AATK: variants seen among roughly 807,000 people sequenced by gnomAD.
The protein encoded by AATK is serine/threonine-protein kinase LMTK1.
Under a neutral mutation model 114.3 loss-of-function variants are expected in AATK, and 91 were observed. The observed-to-expected ratio is 0.80, with a 90% CI of 0.67 to 0.95. AATK has a LOEUF of 0.95. Among genes scored for constraint, AATK ranks in the 40% least tolerant of loss-of-function variants. The pLI, the probability that AATK is intolerant of heterozygous loss-of-function variation, is 0.00. For synonymous variants in AATK, 1,075 were observed against 916.5 expected (o/e 1.17, Z -3.12); for missense variants, 2,176 against 1,965.2 (o/e 1.11, Z -2.03).
chr17:81,125,488 C>A, intron 7 of AATK: 2 of 359,416 alleles, frequency 5.6e-6, no homozygotes, highest in Non-Finnish European at 1.1e-5. Flanking sequence ...CTGCCATGCC[C>A]ACTCAGAGCT....
chr17:81,125,131 T>C, intron 7 of AATK, 117 bp from the exon 8 acceptor site: 2 of 845,320 alleles, frequency 2.4e-6, no homozygotes, highest in South Asian at 1.7e-5. Flanking sequence ...ACAGGGTCCT[T>C]TGCCAACACT....
At chr17:81,148,735 GAC>G (rs1300904023) in intron 1 of AATK, among the ~76,000 whole-genome samples, 3 of 152,214 alleles carry the variant, frequency 2.0e-5, no homozygotes, top group African/African-American at 2.4e-5. Context: ...CGTGCTCTCA[GAC>G]ACATGCACAC....
chr17:81,119,200 C>CTA, intron 13 of AATK, among the ~76,000 whole-genome samples, 180 bp downstream of exon 13: 1 of 133,432 alleles, frequency 7.5e-6, no homozygotes, highest in Non-Finnish European at 1.7e-5. Flanking sequence ...GAGGGCCAGG[C>CTA]GAGGGCCAGG....
chr17:81,120,136 T>G, intron 11 of AATK, 53 bp from the exon 12 acceptor site: 1 of 1,505,062 alleles, frequency 6.6e-7, no homozygotes, highest in Non-Finnish European at 8.9e-7. Flanking sequence ...CCGCGGCCGC[T>G]CCCACCCCTT....
intron 1 of AATK, among the ~76,000 whole-genome samples, chr17:81,157,163 CAA>C (rs2061376682): frequency 6.6e-6 from 1 of 152,214 alleles, no homozygotes; most frequent in South Asian, 2.1e-4. Flanking sequence ...CCGCCCCCGC[CAA>C]GAGAGGGGAG....
At chr17:81,136,272 T>C (rs2061008304) in intron 1 of AATK, 1 of 152,310 alleles carries the variant, frequency 6.6e-6, no homozygotes, top group South Asian at 2.1e-4. Context: ...AACCTATCTG[T>C]GGCCTTTTGG....
At chr17:81,148,588 G>A (rs556530833) in intron 1 of AATK, among the ~76,000 whole-genome samples, 19 of 152,370 alleles carry the variant, frequency 1.2e-4, no homozygotes, top group African/African-American at 4.6e-4. Context: ...GATGAGCCCC[G>A]GGGGTTCCCC....
intron 1 of AATK, among the ~76,000 whole-genome samples, chr17:81,152,332 TC>T (rs2061309436): frequency 6.6e-6 from 1 of 152,112 alleles, no homozygotes; most frequent in Non-Finnish European, 1.5e-5. Flanking sequence ...ACACCTGTAA[TC>T]CCAGAGCTTT....
At chr17:81,138,274 C>T (rs12941366) in intron 1 of AATK, among the ~76,000 whole-genome samples, 79,162 of 147,188 alleles carry the variant, frequency 0.54, 22,424 homozygotes, top group East Asian at 0.87. Context: ...CCCACATGCA[C>T]GTGCACACCC....
intron 2 of AATK, among the ~76,000 whole-genome samples, chr17:81,134,107 A>AG (rs2060975695): frequency 6.6e-6 from 1 of 152,122 alleles, no homozygotes; most frequent in Non-Finnish European, 1.5e-5. Flanking sequence ...GCTCGGGCCC[A>AG]ACCCCAGGCT....
At chr17:81,131,311 C>G in intron 2 of AATK, 106 bp from the exon 3 acceptor site, 1 of 1,406,048 alleles carries the variant, frequency 7.1e-7, no homozygotes, top group Non-Finnish European at 9.3e-7. Context: ...CAGGGCAGGG[C>G]AGGAGGGGGT....
intron 1 of AATK, among the ~76,000 whole-genome samples, chr17:81,143,016 GC>G (rs947484331): frequency 1.5e-4 from 23 of 152,378 alleles, no homozygotes; most frequent in African/African-American, 5.3e-4. Context: ...CAAAACACAG[GC>G]GTGGTCCAGG....
chr17:81,152,973 G>A (rs1346468639), intron 1 of AATK, among the ~76,000 whole-genome samples: 3 of 151,874 alleles, frequency 2.0e-5, no homozygotes, highest in African/African-American at 7.3e-5. Flanking sequence ...CTCCCGAGTA[G>A]CAAGGATTAC....
At chr17:81,154,319 C>T (rs796322679) in intron 1 of AATK, among the ~76,000 whole-genome samples, 117 of 113,772 alleles carry the variant, frequency 1.0e-3, no homozygotes, top group African/African-American at 3.7e-3. Flanking sequence ...TTTTTTCTTT[C>T]TTTTTTTTTT....
chr17:81,131,766 A>C, intron 2 of AATK: 3 of 1,206,252 alleles, frequency 2.5e-6, no homozygotes, highest in Non-Finnish European at 3.2e-6. Context: ...CTTCGGGGAC[A>C]GGAATTCCAT....
In AATK at chr17:81,144,329, C is replaced by T. The variant is rs140418824; in HGVS notation, c.56-9828G>A. 1.8e-3 allele frequency among the ~76,000 whole-genome samples: 272 copies of T among 152,346 alleles called. 2 individuals carry two copies. Among genetic ancestry groups the T allele is most frequent in the African/African-American group, 6.3e-3 (261 of 41,588 alleles). On this transcript the variant is annotated intron_variant, in intron 1 of 13. Transcript: ENST00000326724. ...GGGGGTAAAGGTCAAGGCCCCTTGT[C>T]CCAGCCCCACACTGCCCTCCCCATC...
In AATK at chr17:81,118,028, C is replaced by T. The variant is rs376223009; in HGVS notation, c.*374G>A. 3 of 212,298 alleles carry T rather than the reference C, an allele frequency of 1.4e-5. No individual in the cohort carries two copies. Among genetic ancestry groups the T allele is most frequent in the East Asian group, 1.1e-4 (1 of 9,120 alleles). The allele number at this position is 212,298 out of a possible 1,614,324, so 13.2% of individuals were successfully genotyped here. A position where few individuals can be genotyped will look rare whatever the true frequency, so the allele number is the denominator to read the frequency against. On this transcript the variant is annotated 3_prime_UTR_variant, in exon 14 of 14. Transcript: ENST00000326724. The stretch of plus-strand genomic sequence containing the variant: ...CCTGTGAGCACACCGGAGGAGCTGC[C>T]GGATGGGGCATGCGGGTCCTCCGAG...
At chr17:81,139,871 C>T (rs891380683) in intron 1 of AATK, among the ~76,000 whole-genome samples, 2 of 152,186 alleles carry the variant, frequency 1.3e-5, no homozygotes, top group African/African-American at 4.8e-5. Flanking sequence ...GCTGTGGCTT[C>T]TTAGGCCACT....
At chr17:81,134,101 G>C (rs886941998) in intron 2 of AATK, among the ~76,000 whole-genome samples, 1 of 152,160 alleles carries the variant, frequency 6.6e-6, no homozygotes, top group Non-Finnish European at 1.5e-5. Flanking sequence ...GTGAGTGCTC[G>C]GGCCCAACCC....
Sources: allele counts gnomAD v4.1 joint callset (sites outside exome capture counted in the v4.1 genomes callset), GRCh38; gene constraint gnomAD v4.1.1; transcripts MANE v1.5; gene names NCBI Gene and HGNC (gene_info 2026-07-23, HGNC 2026-07-21).